The following CADPS2 variants were observed in gnomAD, a reference collection of about 807,000 sequenced individuals.
The protein encoded by CADPS2 is calcium dependent secretion activator 2, also known as calcium-dependent secretion activator 2.
In CADPS2, 93 loss-of-function variants were observed where a neutral mutation model predicts 172.5. The observed-to-expected ratio is 0.54, with a 90% CI of 0.46 to 0.64. The LOEUF (loss-of-function observed/expected upper bound fraction) is 0.64, where lower values mean the gene tolerates loss of function less well. Ranked by LOEUF, CADPS2 falls within the 30% of genes least tolerant of loss-of-function variation. CADPS2 has a pLI of 0.00. For missense variants in CADPS2, 1,420 were observed against 1,565.9 expected (o/e 0.91, Z 1.57); for synonymous variants, 546 against 555.2 (o/e 0.98, Z 0.23).
intron 1 of CADPS2, among the ~76,000 whole-genome samples, chr7:122,852,879 TG>T: frequency 6.6e-6 from 1 of 152,186 alleles, no homozygotes; most frequent in African/African-American, 2.4e-5. Context: ...GGGTTGGGGA[TG>T]GTAAGGATGG....
At chr7:122,794,175 G>C (rs1795878766) in intron 1 of CADPS2, among the ~76,000 whole-genome samples, 1 of 151,998 alleles carries the variant, frequency 6.6e-6, no homozygotes, top group South Asian at 2.1e-4. Flanking sequence ...AGTTCTCATG[G>C]ATGATATCCT....
chr7:122,810,965 G>T (rs1799896949), intron 1 of CADPS2, among the ~76,000 whole-genome samples: 1 of 152,152 alleles, frequency 6.6e-6, no homozygotes. Flanking sequence ...TAATGTGTTA[G>T]ATGTTGGCAA....
intron 3 of CADPS2, among the ~76,000 whole-genome samples, chr7:122,656,569 G>C (rs1442303218): frequency 2.6e-5 from 4 of 152,104 alleles, no homozygotes; most frequent in African/African-American, 9.7e-5. Flanking sequence ...GAAGGTTACA[G>C]GTCCACTAAA....
chr7:122,644,074 GAAAA>G (rs1369550480), intron 3 of CADPS2, among the ~76,000 whole-genome samples: 1 of 151,438 alleles, frequency 6.6e-6, no homozygotes, highest in Non-Finnish European at 1.5e-5. Flanking sequence ...TGTCTCGAAA[GAAAA>G]GAAAGGAAGG....
At chr7:122,766,952 A>G (rs569937551) in intron 1 of CADPS2, among the ~76,000 whole-genome samples, 3 of 152,324 alleles carry the variant, frequency 2.0e-5, no homozygotes, top group African/African-American at 4.8e-5. Flanking sequence ...CAGGACTGAC[A>G]TAAGAATGAA....
intron 29 of CADPS2, among the ~76,000 whole-genome samples, chr7:122,320,556 A>G (rs191823811): frequency 1.3e-5 from 2 of 152,298 alleles, no homozygotes; most frequent in Admixed American, 1.3e-4. Flanking sequence ...CTACATCAAA[A>G]TGTTGTTACT....
intron 2 of CADPS2, among the ~76,000 whole-genome samples, chr7:122,668,193 T>G (rs1445167950): frequency 6.6e-6 from 1 of 152,064 alleles, no homozygotes. Context: ...GAATGTGTCT[T>G]GGTAATTTAC....
chr7:122,722,667 T>TTCTTCAC (rs71161331), intron 2 of CADPS2, among the ~76,000 whole-genome samples: 86 of 5,424 alleles, frequency 0.016, no homozygotes, highest in Admixed American at 0.029. Context: ...ACCAATGACT[T>TTCTTCAC]GGAAAAAACT....
intron 1 of CADPS2, among the ~76,000 whole-genome samples, chr7:122,843,566 G>T (rs1811166476): frequency 6.6e-6 from 1 of 152,184 alleles, no homozygotes; most frequent in Non-Finnish European, 1.5e-5. Flanking sequence ...ATGCATGTGT[G>T]AGTTCTCAAA....
chr7:122,646,591 A>G (rs575976189), intron 3 of CADPS2, among the ~76,000 whole-genome samples: 1 of 152,314 alleles, frequency 6.6e-6, no homozygotes, highest in South Asian at 2.1e-4. Context: ...TGAACTAGGA[A>G]CAGCGAGTAA....
intron 3 of CADPS2, among the ~76,000 whole-genome samples, chr7:122,655,814 T>C (rs1011722533): frequency 6.6e-6 from 1 of 152,186 alleles, no homozygotes. Flanking sequence ...TTATAATTTC[T>C]TTTTGTTTTA....
intron 6 of CADPS2, among the ~76,000 whole-genome samples, chr7:122,594,394 C>T (rs190556094): frequency 6.6e-6 from 1 of 151,954 alleles, no homozygotes; most frequent in Non-Finnish European, 1.5e-5. Context: ...AAAAATCCTG[C>T]AAGCTTTATC....
intron 1 of CADPS2, among the ~76,000 whole-genome samples, chr7:122,753,768 C>G (rs367987900): frequency 5.9e-5 from 9 of 152,134 alleles, no homozygotes; most frequent in East Asian, 1.9e-4. Context: ...TACATATAAA[C>G]ACACGAACGC....
rs1470322395 is a variant in CADPS2 at position 122,491,307 on chromosome 7, T to A, written c.1651+5A>T. ...GGCAGGAAAAGTGATTCAATTAAGA[T>A]TTACCTGGGTGGGGATCGGTATAAT... On this transcript the variant is annotated splice_donor_5th_base_variant and intron_variant, in intron 10 of 29. Coordinates refer to ENST00000449022, the MANE Select transcript of CADPS2 (RefSeq NM_017954.11). 1 of 1,575,066 alleles carries A rather than the reference T, an allele frequency of 6.3e-7. No homozygotes were observed.
intron 17 of CADPS2, among the ~76,000 whole-genome samples, chr7:122,427,652 A>G (rs2151864192): frequency 6.6e-6 from 1 of 152,266 alleles, no homozygotes; most frequent in Non-Finnish European, 1.5e-5. Context: ...TCATTTATAG[A>G]TGGATCTGAC....
intron 1 of CADPS2, among the ~76,000 whole-genome samples, chr7:122,773,950 G>A (rs1000941784): frequency 1.3e-5 from 2 of 151,922 alleles, no homozygotes; most frequent in Middle Eastern, 3.2e-3. Flanking sequence ...ATTTATGTCT[G>A]CTTAGCTTTC....
At chr7:122,525,842 A>G (rs1019212499) in intron 8 of CADPS2, among the ~76,000 whole-genome samples, 1 of 152,206 alleles carries the variant, frequency 6.6e-6, no homozygotes, top group Non-Finnish European at 1.5e-5. Context: ...CCTAGGCTAT[A>G]AACCTGTACA....
chr7:122,320,955 A>G (rs944970514), intron 29 of CADPS2, among the ~76,000 whole-genome samples: 1 of 152,212 alleles, frequency 6.6e-6, no homozygotes. Flanking sequence ...ATTCTGACAT[A>G]AAGCTTCCAT....
At chr7:122,837,554 A>T (rs1457819165) in intron 1 of CADPS2, among the ~76,000 whole-genome samples, 2 of 152,222 alleles carry the variant, frequency 1.3e-5, no homozygotes, top group East Asian at 3.8e-4. Flanking sequence ...AGAAGAAAAG[A>T]GAGAAGAATC....
Sources: gnomAD v4.1 joint callset for allele counts (sites outside exome capture counted in the v4.1 genomes callset) on GRCh38, gnomAD v4.1.1 for gene constraint, MANE v1.5 for transcripts, NCBI Gene and HGNC (gene_info 2026-07-23, HGNC 2026-07-21) for gene names.